The following MAN2C1 variants were observed in gnomAD, a reference collection of about 807,000 sequenced individuals.
The protein encoded by MAN2C1 is mannosidase alpha class 2C member 1, also known as alpha-mannosidase 2C1.
Under a neutral mutation model 126.9 loss-of-function variants are expected in MAN2C1, and 111 were observed. The ratio of observed to expected loss-of-function variants is 0.87; its 90% CI spans 0.75 to 1.02. The LOEUF is 1.02. Among genes scored for constraint, MAN2C1 ranks in the 50% least tolerant of loss-of-function variants. MAN2C1 has a pLI of 0.00. For synonymous variants in MAN2C1, 567 were observed against 561.5 expected (o/e 1.01, Z -0.14); for missense variants, 1,363 against 1,364.4 (o/e 1.00, Z 0.02).
intron 5 of MAN2C1, 84 bp downstream of exon 5, chr15:75,364,404 G>A: frequency 7.1e-7 from 1 of 1,415,062 alleles, no homozygotes; most frequent in South Asian, 1.5e-5. Flanking sequence ...TGGATTCCCA[G>A]AGTCCCATTT....
chr15:75,356,200 C>T lies in MAN2C1; in HGVS notation c.2906G>A (p.Arg969His), dbSNP rs144713721. 1.3e-4 allele frequency: 204 copies of T among 1,613,352 alleles called. No individual in the cohort carries two copies. The highest frequency in any genetic ancestry group is 1.6e-4 in the Non-Finnish European group (193 of 1,179,938). The change falls in exon 25 of 26, where the codon CGC becomes CAC. Residue 969 changes from arginine to histidine, a missense_variant. Arg to His is a conservative substitution (Grantham distance 29, BLOSUM62 0). Around this residue, in one of 3 missense-constraint regions of MAN2C1, gnomAD observed 668 missense variants for 650.1 expected, o/e 1.03. Coordinates refer to ENST00000267978, the MANE Select transcript of MAN2C1 (RefSeq NM_006715.4). The surrounding 1 kb of genome is among the most constrained non-coding windows in gnomAD (Gnocchi z 5.8). ...ATACAGCCTCAGGACCAGCGAGCGG[C>T]GCTGGGGGCTGCTCTCCGCCTGCAG... Reference protein sequence around the residue: ...TVKQAESSPQRRSLVLRLYEA... With the variant: ...TVKQAESSPQHRSLVLRLYEA...
chr15:75,367,471 G>A, intron 3 of MAN2C1, 40 bp downstream of exon 3: 1 of 1,607,682 alleles, frequency 6.2e-7, no homozygotes, highest in Non-Finnish European at 8.5e-7. Flanking sequence ...TTTCAGGGCT[G>A]AAATGTGGCC....
In MAN2C1 at chr15:75,360,562, G is replaced by A; in HGVS notation, c.1584+3C>T. ...CTGCACAGCCCTGCAACCTCCCCCTGACCTGGGCATGGGTGGTGTATGTGC... is the reference window on the plus strand; with the variant it reads ...CTGCACAGCCCTGCAACCTCCCCCTAACCTGGGCATGGGTGGTGTATGTGC... On this transcript the variant is annotated splice_donor_region_variant and intron_variant, in intron 13 of 25. Coordinates refer to ENST00000267978, the MANE Select transcript of MAN2C1 (RefSeq NM_006715.4). 1 of 1,613,426 alleles carries A rather than the reference G, an allele frequency of 6.2e-7. No homozygotes were observed. The highest frequency in any genetic ancestry group is 1.3e-5 in the African/African-American group (1 of 74,994).
intron 2 of MAN2C1, 173 bp downstream of exon 2, chr15:75,367,900 G>T: frequency 1.0e-6 from 1 of 990,750 alleles, no homozygotes; most frequent in Non-Finnish European, 1.4e-6. Context: ...ATCCCCTGAA[G>T]ACCCAGGGAC....
In MAN2C1 at chr15:75,368,174, C is replaced by T. The variant is rs764007781; in HGVS notation, c.126G>A (p.Val42=). Reference sequence around the variant, plus strand: ...GCGTCAGGAAGCTGGAGAGCACAGCCACAGGGCAGCTGGCCCCAAAAAGCC... The same window carrying T: ...GCGTCAGGAAGCTGGAGAGCACAGCTACAGGGCAGCTGGCCCCAAAAAGCC... ...RGRLFGASCP[V]AVLSSFLTPE... is the part of the protein sequence containing the mutation. The change falls in exon 2 of 26, where the codon GTG becomes GTA. Residue 42 remains valine, a synonymous_variant. Transcript: ENST00000267978. 1.2e-6 allele frequency: 2 copies of T among 1,604,846 alleles called. No individual in the cohort carries two copies. The highest frequency in any genetic ancestry group is 1.7e-6 in the Non-Finnish European group (2 of 1,177,410).
rs1322881427 is a variant in MAN2C1, at chr15:75,360,190, A to G, written c.1606T>C (p.Cys536Arg). The change falls in exon 14 of 26, where the codon TGT becomes CGT. Residue 536 changes from cysteine (C) to arginine (R), a missense_variant. Physicochemically the swap from Cys to Arg is radical, Grantham distance 180 (BLOSUM62 -3). This residue lies in a region of MAN2C1 where 67 missense variants were observed against 104.5 expected (regional missense o/e 0.64). Transcript: ENST00000267978. Reference sequence around the variant, plus strand: ...TCCACGTCGTGCAGGATCCGCTCACATTCCCGGTTCCCCTTCTTGATCTGA... The same window carrying G: ...TCCACGTCGTGCAGGATCCGCTCACGTTCCCGGTTCCCCTTCTTGATCTGA... ...HAQIKKGNRE[C>R]ERILHDVELL... 2 of 1,611,220 alleles carry G rather than the reference A, an allele frequency of 1.2e-6. No individual in the cohort carries two copies. The highest frequency in any genetic ancestry group is 4.5e-5 in the East Asian group (2 of 44,888).
intron 2 of MAN2C1, 165 bp downstream of exon 2, chr15:75,367,908 G>C: frequency 9.6e-7 from 1 of 1,042,146 alleles, no homozygotes; most frequent in Non-Finnish European, 1.4e-6. Context: ...AAGACCCAGG[G>C]ACCAGAGAGC....
In MAN2C1 at chr15:75,356,497, T is replaced by C; in HGVS notation, c.2738-48A>G. On this transcript the variant is annotated intron_variant, in intron 23 of 25. Transcript: ENST00000267978. The surrounding 1 kb of genome is among the most constrained non-coding windows in gnomAD (Gnocchi z 5.8). ...TGCTGGTGGAGAATGGGGGCTACCC[T>C]CCCCTGTCCCTAGAAGGGGCAGGAA... is the stretch of plus-strand genomic sequence containing the variant. The C allele has an allele frequency of 6.4e-7, 1 of 1,565,642 alleles. No homozygotes were observed.
chr15:75,361,147 G>A lies in MAN2C1; in HGVS notation c.1359C>T (p.Asn453=). The change falls in exon 12 of 26, where the codon AAC becomes AAT. Residue 453 remains asparagine, a synonymous_variant. Transcript: ENST00000267978. The surrounding 1 kb of genome is among the most constrained non-coding windows in gnomAD (Gnocchi z 5.0). ...CAAAGCCAAAGAGGAAGGCACTGTGGTTGGCCCGCCCCTTGTCCCGGTTGT... is the reference window on the plus strand; with the variant it reads ...CAAAGCCAAAGAGGAAGGCACTGTGATTGGCCCGCCCCTTGTCCCGGTTGT... ...VANNRDKGRA[N]HSAFLFGFGD... is the part of the protein sequence containing the mutation. The A allele has an allele frequency of 6.2e-7, 1 of 1,613,378 alleles. No homozygotes were observed. Among genetic ancestry groups the A allele is most frequent in the Non-Finnish European group, 8.5e-7 (1 of 1,179,810 alleles).
In MAN2C1 at chr15:75,361,397, C is replaced by A. The variant is rs1220198269; in HGVS notation, c.1219-16G>T. 6.4e-7 allele frequency: 1 copy of A among 1,551,720 alleles called. No homozygotes were observed. Among genetic ancestry groups the A allele is most frequent in the Non-Finnish European group, 8.8e-7 (1 of 1,141,660 alleles). Reference sequence around the variant, plus strand: ...ATGTATGGTGCTACCAGCAGGGAAACAGAAGCAGGGCAGAGAGGCCAGAGT... The same window carrying A: ...ATGTATGGTGCTACCAGCAGGGAAAAAGAAGCAGGGCAGAGAGGCCAGAGT... On this transcript the variant is annotated splice_polypyrimidine_tract_variant and intron_variant, in intron 10 of 25. Coordinates refer to ENST00000267978, the MANE Select transcript of MAN2C1 (RefSeq NM_006715.4). The surrounding 1 kb of genome is among the most constrained non-coding windows in gnomAD (Gnocchi z 5.0).
chr15:75,360,553 C>T lies in MAN2C1; in HGVS notation c.1584+12G>A, dbSNP rs904007453. 3 of 1,613,082 alleles carry T rather than the reference C, an allele frequency of 1.9e-6. No homozygotes were observed. The African/African-American group carries it at 4.0e-5, about 22-fold the overall frequency. On this transcript the variant is annotated intron_variant, in intron 13 of 25. Transcript: ENST00000267978. Reference sequence around the variant, plus strand: ...ACACCCTCCCTGCACAGCCCTGCAACCTCCCCCTGACCTGGGCATGGGTGG... The same window carrying T: ...ACACCCTCCCTGCACAGCCCTGCAATCTCCCCCTGACCTGGGCATGGGTGG...
intron 21 of MAN2C1, chr15:75,357,126 A>G (rs1031853200): frequency 4.5e-5 from 25 of 555,668 alleles, no homozygotes; most frequent in Non-Finnish European, 7.0e-5. Context: ...TCGAATGATC[A>G]TGAGTATCAA....
rs764540401 is a variant in MAN2C1 at position 75,356,797 on chromosome 15, A to G, written c.2653T>C (p.Ser885Pro). The part of the protein sequence containing the change: ...ASVRGSILSL[S>P]LLRAPKAPDA... ...CCTGGTGGGTACCCCACTTACAGCG[A>G]GAGGCTGAGGATGCTGCCTCGCACT... Residue 885 changes from serine to proline, a missense_variant, in exon 22 of 26, where the codon TCG (serine) becomes CCG (proline). Physicochemically the swap from Ser to Pro is moderately conservative, Grantham distance 74. Transcript: ENST00000267978. The surrounding 1 kb of genome is among the most constrained non-coding windows in gnomAD (Gnocchi z 5.8). 7 of 1,614,068 alleles carry G rather than the reference A, an allele frequency of 4.3e-6. No homozygotes were observed. The Admixed American group carries it at 1.0e-4, about 23-fold the overall frequency.
intron 3 of MAN2C1, 137 bp downstream of exon 3, chr15:75,367,374 C>G (rs1284328483): frequency 8.8e-7 from 1 of 1,139,380 alleles, no homozygotes; most frequent in African/African-American, 1.6e-5. Context: ...TGGCAACTTC[C>G]CTAGTCCTGA....
In MAN2C1 at chr15:75,362,904, C is replaced by T; in HGVS notation, c.791-156G>A. 1.6e-6 allele frequency: 1 copy of T among 636,094 alleles called. No homozygotes were observed. The highest frequency in any genetic ancestry group is 2.8e-5 in the East Asian group (1 of 36,146). The allele number at this position is 636,094 out of a possible 1,614,324, so 39.4% of individuals were successfully genotyped here. Reference sequence around the variant, plus strand: ...CCTAAGTGGTCACTTCACTTCACTCCAGCGAGGTGGGAGGAGGGGCTGGGG... The same window carrying T: ...CCTAAGTGGTCACTTCACTTCACTCTAGCGAGGTGGGAGGAGGGGCTGGGG... On this transcript the variant is annotated intron_variant, in intron 6 of 25. Transcript: ENST00000267978. The surrounding 1 kb of genome is among the most constrained non-coding windows in gnomAD (Gnocchi z 4.5).
chr15:75,359,109 C>G lies in MAN2C1; in HGVS notation c.2091G>C (p.Lys697Asn), dbSNP rs375981514. Residue 697 changes from lysine to asparagine, a missense_variant, in exon 18 of 26, where the codon AAG becomes AAC. By Grantham distance (94) the Lys-to-Asn change is moderately conservative (BLOSUM62 0). Transcript: ENST00000267978. Reference protein sequence around the residue: ...VTLDNGIIRVKLDPTGRLTSL... With the variant: ...VTLDNGIIRVNLDPTGRLTSL... ...ACGTCAGGCGACCAGTTGGGTCCAG[C>G]TTCACTCGGATGATGCCATTGTCCA... The G allele has an allele frequency of 2.5e-6, 4 of 1,613,916 alleles. No homozygotes were observed. Among genetic ancestry groups the G allele is most frequent in the Non-Finnish European group, 3.4e-6 (4 of 1,180,044 alleles).
chr15:75,365,890 G>T, intron 4 of MAN2C1: 1 of 412,964 alleles, frequency 2.4e-6, no homozygotes, highest in African/African-American at 2.1e-5. Flanking sequence ...TTTGAGAGTA[G>T]CCTGGCCAAC....
chr15:75,362,676 T>C lies in MAN2C1; in HGVS notation c.863A>G (p.Glu288Gly). The C allele has an allele frequency of 6.2e-7, 1 of 1,614,086 alleles. No homozygotes were observed. Among genetic ancestry groups the C allele is most frequent in the Non-Finnish European group, 8.5e-7 (1 of 1,180,014 alleles). ...RSWVTALQLM[E>G]RNPEFIFACS... ...GGCAAAGATGAACTCAGGGTTCCGCTCCATGAGCTGCAGGGCGGTCACCCA... is the reference window on the plus strand; with the variant it reads ...GGCAAAGATGAACTCAGGGTTCCGCCCCATGAGCTGCAGGGCGGTCACCCA... The change falls in exon 7 of 26, where the codon GAG (glutamate) becomes GGG (glycine). Residue 288 changes from glutamate (E) to glycine (G), a missense_variant. Transcript: ENST00000267978. The surrounding 1 kb of genome is among the most constrained non-coding windows in gnomAD (Gnocchi z 4.5).
In MAN2C1 at chr15:75,359,340, G is replaced by A. The variant is rs1006760567; in HGVS notation, c.2034C>T (p.Phe678=). 5 of 1,595,184 alleles carry A rather than the reference G, an allele frequency of 3.1e-6. No individual in the cohort carries two copies. Among genetic ancestry groups the A allele is most frequent in the African/African-American group, 1.3e-5 (1 of 74,684 alleles). ...LQPLLPQQPV[F]VVQETDGSVT... is the part of the protein sequence containing the mutation. ...ATGCAGGACTCACCTCTTGCACTAC[G>A]AACACAGGCTGCTGGGGCAGCAGGG... Residue 678 remains phenylalanine (F), a synonymous_variant, in exon 17 of 26, where the codon TTC becomes TTT. Transcript: ENST00000267978.
Sources: gnomAD v4.1 joint callset for allele counts on GRCh38, gnomAD v4.1.1 for gene constraint, gnomAD v4.1.1 regional missense constraint, Gnocchi (gnomAD v3.1) non-coding constraint, MANE v1.5 for transcripts, NCBI Gene and HGNC (gene_info 2026-07-23, HGNC 2026-07-21) for gene names.